TONSL: variants seen among roughly 807,000 people sequenced by gnomAD.
The protein encoded by TONSL is tonsoku like, DNA repair protein, also known as tonsoku-like protein.
Under a neutral mutation model 147.1 loss-of-function variants are expected in TONSL, and 112 were observed. The observed-to-expected ratio is 0.76, with a 90% CI of 0.65 to 0.89. The LOEUF (loss-of-function observed/expected upper bound fraction) is 0.89, where lower values mean the gene tolerates loss of function less well. TONSL is among the 40% of genes least tolerant of loss of function. The pLI, the probability that TONSL is intolerant of heterozygous loss-of-function variation, is 0.00. For synonymous variants in TONSL, 868 were observed against 801.5 expected, an observed-to-expected ratio of 1.08 and a Z score of -1.40; for missense variants, 1,883 against 1,864.6, an observed-to-expected ratio of 1.01 and a Z score of -0.18.
Position 144,444,390 on chromosome 8 carries a change from G to A in TONSL, c.25C>T (p.Gln9Ter). The A allele has an allele frequency of 1.6e-6, 2 of 1,272,776 alleles. No individual in the cohort carries two copies. The highest frequency in any genetic ancestry group is 2.0e-6 in the Non-Finnish European group (2 of 1,007,496). 78.8% of individuals were successfully genotyped at this position (1,272,776 alleles called of 1,614,324 possible). ...AGGAAGGGGTCCCCGAGGAACTTAC[G>A]GCGAAGCTCGCGCTCCAGGCTCATG... MSLERELR[Q>*]LSKAKAKAQR... The change falls in exon 1 of 26, where the codon CAG becomes TAG. Residue 9 changes from glutamine (Q) to a stop codon, truncating the protein, a stop_gained and splice_region_variant. Transcript: ENST00000409379. LOFTEE classifies it high-confidence loss of function.
At chr8:144,432,491 C>T (rs113932585) in intron 22 of TONSL, 31 bp from the exon 23 acceptor site, 39 of 1,516,212 alleles carry the variant, frequency 2.6e-5, no homozygotes, top group South Asian at 1.7e-4. Flanking sequence ...GTCAGCCCCA[C>T]GTGGCCACAG....
In TONSL at chr8:144,436,616, C is replaced by G; in HGVS notation, c.1956G>C (p.Glu652Asp). ...VKLYRRDLDL[E>D]TRQKARAMEM... The stretch of plus-strand genomic sequence containing the variant: ...CCATGGCCCTGGCCTTCTGCCGCGT[C>G]TCCAGGTCCAGGTCCCTGCGGTACA... The change falls in exon 16 of 26, where the codon GAG (glutamate) becomes GAC (aspartate). Residue 652 changes from glutamate to aspartate, a missense_variant. Coordinates refer to ENST00000409379, the MANE Select transcript of TONSL (RefSeq NM_013432.5). 1 of 1,612,112 alleles carries G rather than the reference C, an allele frequency of 6.2e-7. No individual in the cohort carries two copies. Among genetic ancestry groups the G allele is most frequent in the Non-Finnish European group, 8.5e-7 (1 of 1,179,964 alleles).
In TONSL at chr8:144,436,611, C is replaced by T. The variant is rs201022667; in HGVS notation, c.1961G>A (p.Arg654Gln). The T allele has an allele frequency of 3.5e-5, 56 of 1,611,904 alleles. 1 individual carries two copies. Among genetic ancestry groups the T allele is most frequent in the African/African-American group, 2.7e-4 (20 of 75,056 alleles). The change falls in exon 16 of 26, where the codon CGG (arginine) becomes CAG (glutamine). Residue 654 changes from arginine to glutamine, a missense_variant. Arg to Gln is a conservative substitution (Grantham distance 43, BLOSUM62 1). Coordinates refer to ENST00000409379, the MANE Select transcript of TONSL (RefSeq NM_013432.5). ...LYRRDLDLET[R>Q]QKARAMEMLL... is the part of the protein sequence containing the mutation. The stretch of plus-strand genomic sequence containing the variant: ...CATCTCCATGGCCCTGGCCTTCTGC[C>T]GCGTCTCCAGGTCCAGGTCCCTGCG...
At chr8:144,435,235 C>A in intron 18 of TONSL, 65 bp from the exon 19 acceptor site, 1 of 1,435,988 alleles carries the variant, frequency 7.0e-7, no homozygotes, top group Non-Finnish European at 9.1e-7. Context: ...CAGGGACCCG[C>A]CATCCCTGCC....
At chr8:144,442,448 T>C in intron 5 of TONSL, 36 bp from the exon 6 acceptor site, 5 of 1,512,608 alleles carry the variant, frequency 3.3e-6, no homozygotes, top group Non-Finnish European at 4.4e-6. Flanking sequence ...CACCCAGGAG[T>C]GTCCATGACA....
Position 144,440,035 on chromosome 8 carries a change from T to A in TONSL, c.1466A>T (p.Glu489Val), listed in dbSNP as rs1473483313. 1 of 1,354,852 alleles carries A rather than the reference T, an allele frequency of 7.4e-7. No individual in the cohort carries two copies. The highest frequency in any genetic ancestry group is 1.2e-5 in the South Asian group (1 of 85,806). The allele number at this position is 1,354,852 out of a possible 1,614,324, so 83.9% of individuals were successfully genotyped here. ...ESEALEAGEV[E>V]LSEGEDDTDG... is the part of the protein sequence containing the mutation. ...CTGGCCCTCACCGCCCTCTGAGAGC[T>A]CCACCTCGCCGGCCTCCAGGGCTTC... Residue 489 changes from glutamate to valine, a missense_variant, in exon 11 of 26, where the codon GAG (glutamate) becomes GTG (valine). Coordinates refer to ENST00000409379, the MANE Select transcript of TONSL (RefSeq NM_013432.5).
chr8:144,435,204 C>T lies in TONSL; in HGVS notation c.2853-34G>A, dbSNP rs1239346156. 6.1e-6 allele frequency: 9 copies of T among 1,469,284 alleles called. No individual in the cohort carries two copies. In the South Asian group the frequency reaches 1.1e-4, roughly 18 times the overall value. The allele number at this position is 1,469,284 out of a possible 1,614,324, so 91.0% of individuals were successfully genotyped here. ...ACAGAGGCGCTGCTGCTGCTGCCTG[C>T]ACACAGCCGGGGTAATGCCCCAGGG... On this transcript the variant is annotated intron_variant, in intron 18 of 25. Coordinates refer to ENST00000409379, the MANE Select transcript of TONSL (RefSeq NM_013432.5).
chr8:144,429,833 GC>G (rs1823105374), intron 25 of TONSL, among the ~76,000 whole-genome samples: 1 of 152,168 alleles, frequency 6.6e-6, no homozygotes, highest in Admixed American at 6.5e-5. Flanking sequence ...AGAAAGCAGA[GC>G]CCCGCTTCGT....
chr8:144,433,418 C>T, intron 22 of TONSL, 170 bp downstream of exon 22: 1 of 694,502 alleles, frequency 1.4e-6, no homozygotes, highest in South Asian at 1.8e-5. Flanking sequence ...CTATGTGGGC[C>T]AGGCTTTCCT....
rs1419029345 is a variant in TONSL at position 144,434,119 on chromosome 8, C to T, written c.3246G>A (p.Leu1082=). The change falls in exon 21 of 26, where the codon CTG becomes CTA. Residue 1082 remains leucine (L), a synonymous_variant. Coordinates refer to ENST00000409379, the MANE Select transcript of TONSL (RefSeq NM_013432.5). The stretch of plus-strand genomic sequence containing the variant: ...CCAGCTCAGCCACACACTTGTCCCC[C>T]AGCCGGTTCCCTGCCAGGCGCAGCT... ...LRELRLAGNR[L]GDKCVAELVA... is the part of the protein sequence containing the mutation. 2 of 1,612,122 alleles carry T rather than the reference C, an allele frequency of 1.2e-6. No individual in the cohort carries two copies. The highest frequency in any genetic ancestry group is 1.3e-5 in the African/African-American group (1 of 74,940).
At chr8:144,432,658 G>C in intron 22 of TONSL, 198 bp from the exon 23 acceptor site, 1 of 520,206 alleles carries the variant, frequency 1.9e-6, no homozygotes, top group East Asian at 3.5e-5. Context: ...TCCAAGCTCG[G>C]CTGCCCCCAG....
chr8:144,435,610 G>A, intron 17 of TONSL, 48 bp downstream of exon 17: 1 of 1,574,310 alleles, frequency 6.4e-7, no homozygotes, highest in Non-Finnish European at 8.6e-7. Context: ...CCCTACACCT[G>A]CCTGCCCGGA....
intron 11 of TONSL, 64 bp downstream of exon 11, chr8:144,439,957 C>G: frequency 1.3e-6 from 1 of 768,218 alleles, no homozygotes; most frequent in Non-Finnish European, 2.3e-6. Flanking sequence ...AGCAGCACAG[C>G]ACACCCCTCT....
Position 144,436,341 on chromosome 8 carries a change from A to C in TONSL, c.2092T>G (p.Cys698Gly). ...DPETSPPLSP[C>G]PEPPSNSTRL... Reference sequence around the variant, plus strand: ...GTGCTATTAGAGGGGGGTTCTGGGCAGGGGCTCAAAGGAGGAGAGGTCTCG... The same window carrying C: ...GTGCTATTAGAGGGGGGTTCTGGGCCGGGGCTCAAAGGAGGAGAGGTCTCG... Residue 698 changes from cysteine to glycine, a missense_variant, in exon 17 of 26, where the codon TGC (cysteine) becomes GGC (glycine). Physicochemically the swap from Cys to Gly is radical, Grantham distance 159. Transcript: ENST00000409379. 6.7e-7 allele frequency: 1 copy of C among 1,501,248 alleles called. No individual in the cohort carries two copies. The highest frequency in any genetic ancestry group is 8.8e-7 in the Non-Finnish European group (1 of 1,132,414). 93.0% of individuals were successfully genotyped at this position (1,501,248 alleles called of 1,614,324 possible). A position where few individuals can be genotyped will look rare whatever the true frequency, so the allele number is the denominator to read the frequency against.
In TONSL at chr8:144,429,274, C is replaced by T. The variant is rs1554878075; in HGVS notation, c.4006G>A (p.Glu1336Lys). The T allele has an allele frequency of 2.0e-6, 3 of 1,517,178 alleles. No individual in the cohort carries two copies. The highest frequency in any genetic ancestry group is 1.8e-6 in the Non-Finnish European group (2 of 1,131,066). The allele number at this position is 1,517,178 out of a possible 1,614,324, so 94.0% of individuals were successfully genotyped here. A position where few individuals can be genotyped will look rare whatever the true frequency, so the allele number is the denominator to read the frequency against. ...AGGCGTCTGCTGCACAGCTGCAGTTCCCGGAGCTGCGCGGCTATCTTGTCC... is the reference window on the plus strand; with the variant it reads ...AGGCGTCTGCTGCACAGCTGCAGTTTCCGGAGCTGCGCGGCTATCTTGTCC... The part of the protein sequence containing the change: ...LWDKIAAQLR[E>K]LQLCSRRLCA... The change falls in exon 26 of 26, where the codon GAA (glutamate) becomes AAA (lysine). Residue 1336 changes from glutamate (E) to lysine (K), a missense_variant. Coordinates refer to ENST00000409379, the MANE Select transcript of TONSL (RefSeq NM_013432.5).
rs1332052098 is a variant in TONSL, at chr8:144,435,826, C to T, written c.2607G>A (p.Glu869=). The change falls in exon 17 of 26, where the codon GAG becomes GAA. Residue 869 remains glutamate, a synonymous_variant. Coordinates refer to ENST00000409379, the MANE Select transcript of TONSL (RefSeq NM_013432.5). ...PSSTSGSDSE[E]SRPRARAKQV... ...GCTTGGCTCGGGCACGGGGCCTGCTCTCCTCACTGTCCGACCCAGAGGTAC... is the reference window on the plus strand; with the variant it reads ...GCTTGGCTCGGGCACGGGGCCTGCTTTCCTCACTGTCCGACCCAGAGGTAC... 1 of 1,612,500 alleles carries T rather than the reference C, an allele frequency of 6.2e-7. No homozygotes were observed. The highest frequency in any genetic ancestry group is 1.1e-5 in the South Asian group (1 of 91,078).
Position 144,440,495 on chromosome 8 carries a change from C to G in TONSL, c.1165-19G>C. 1 of 1,583,844 alleles carries G rather than the reference C, an allele frequency of 6.3e-7. No homozygotes were observed. On this transcript the variant is annotated intron_variant, in intron 9 of 25. Transcript: ENST00000409379. ...TGGCCTCCTGGAGCAGGAGGAAGGA[C>G]AGGGTCGGGGGCTGCCGCTGTCTGC...
At chr8:144,440,632 C>A in intron 9 of TONSL, 86 bp downstream of exon 9, 1 of 1,545,096 alleles carries the variant, frequency 6.5e-7, no homozygotes, top group Admixed American at 1.8e-5. Context: ...CCAGTAAGGA[C>A]ACCTGTCCAT....
rs550183483 is a variant in TONSL at position 144,429,374 on chromosome 8, G to C, written c.3944-38C>G. On this transcript the variant is annotated intron_variant, in intron 25 of 25. Coordinates refer to ENST00000409379, the MANE Select transcript of TONSL (RefSeq NM_013432.5). ...AGAGGGCAGACCTCAGCGCTGCGGGGGCCGGCGGCGTCCTGGTGCCCGCGG... is the reference window on the plus strand; with the variant it reads ...AGAGGGCAGACCTCAGCGCTGCGGGCGCCGGCGGCGTCCTGGTGCCCGCGG... The C allele has an allele frequency of 1.9e-3, 2,576 of 1,362,574 alleles. 7 individuals carry two copies. The highest frequency in any genetic ancestry group is 2.2e-3 in the Non-Finnish European group (2,338 of 1,057,000). 84.4% of individuals were successfully genotyped at this position (1,362,574 alleles called of 1,614,324 possible).
Sources: allele counts gnomAD v4.1 joint callset (sites outside exome capture counted in the v4.1 genomes callset), GRCh38; gene constraint gnomAD v4.1.1; transcripts MANE v1.5; gene names NCBI Gene and HGNC (gene_info 2026-07-23, HGNC 2026-07-21).